The following GLIPR1L1 variants were observed in gnomAD, a reference collection of about 807,000 sequenced individuals.
GLIPR1L1 encodes the protein GLIPR1-like protein 1.
Under a neutral mutation model 29.9 loss-of-function variants are expected in GLIPR1L1, and 26 were observed. The ratio of observed to expected loss-of-function variants is 0.87; its 90% CI spans 0.64 to 1.21. The LOEUF is 1.21. Among genes scored for constraint, GLIPR1L1 ranks in the 50% most tolerant of loss-of-function variants. GLIPR1L1 has a pLI of 0.00. For missense variants in GLIPR1L1, 305 were observed against 290.3 expected, an observed-to-expected ratio of 1.05 and a Z score of -0.37; for synonymous variants, 77 against 97.5, an observed-to-expected ratio of 0.79 and a Z score of 1.24.
chr12:75,355,624 C>T (rs1241308756), intron 3 of GLIPR1L1, among the ~76,000 whole-genome samples: 1 of 152,118 alleles, frequency 6.6e-6, no homozygotes, highest in African/African-American at 2.4e-5. Context: ...AATCCCATCG[C>T]TAGGTATATA....
At chr12:75,349,187 C>T (rs1004932027) in intron 3 of GLIPR1L1, among the ~76,000 whole-genome samples, 4 of 152,178 alleles carry the variant, frequency 2.6e-5, no homozygotes, top group African/African-American at 9.7e-5. Flanking sequence ...TAAGAGGACA[C>T]AGTTCTTGGC....
At chr12:75,355,285 C>CA (rs1272884621) in intron 3 of GLIPR1L1, among the ~76,000 whole-genome samples, 8 of 151,386 alleles carry the variant, frequency 5.3e-5, no homozygotes, top group African/African-American at 1.2e-4. Flanking sequence ...ACTTACAAAA[C>CA]AAAAAATCAT....
intron 3 of GLIPR1L1, 146 bp from the exon 4 acceptor site, chr12:75,362,956 G>T (rs1593827379): frequency 4.0e-6 from 2 of 500,662 alleles, no homozygotes; most frequent in East Asian, 3.9e-5. Context: ...TTTAACAAAA[G>T]AAATGAAAAT....
At chr12:75,350,716 T>C (rs1344571362) in intron 3 of GLIPR1L1, among the ~76,000 whole-genome samples, 1 of 152,012 alleles carries the variant, frequency 6.6e-6, no homozygotes, top group Admixed American at 6.6e-5. Context: ...AGATCAAAGG[T>C]AGATAAACCC....
At chr12:75,336,121 T>C (rs574931978) in intron 1 of GLIPR1L1, among the ~76,000 whole-genome samples, 2 of 152,086 alleles carry the variant, frequency 1.3e-5, no homozygotes, top group African/African-American at 4.8e-5. Context: ...GTTCCTTATA[T>C]TGTTAAGAAT....
intron 1 of GLIPR1L1, among the ~76,000 whole-genome samples, chr12:75,336,156 G>A (rs1238092763): frequency 6.6e-6 from 1 of 151,848 alleles, no homozygotes; most frequent in African/African-American, 2.4e-5. Flanking sequence ...TGGATGGACC[G>A]TGAGAAGTTA....
chr12:75,349,717 T>C (rs2139421479), intron 3 of GLIPR1L1, among the ~76,000 whole-genome samples: 1 of 152,168 alleles, frequency 6.6e-6, no homozygotes, highest in Admixed American at 6.5e-5. Context: ...GATTAATGAA[T>C]TCAAAATCAT....
chr12:75,334,780 G>C lies in GLIPR1L1; in HGVS notation c.52G>C (p.Val18Leu). Residue 18 changes from valine to leucine, a missense_variant, in exon 1 of 6, where the codon GTA becomes CTA. Physicochemically the swap from Val to Leu is conservative, Grantham distance 32. Transcript: ENST00000378695. ...TTTATGGATCTTGGGTCTGTGTTTG[G>C]TAGCCACTACATCTTCCAAAATCCC... Reference protein sequence around the residue: ...SCLWILGLCLVATTSSKIPSI... With the variant: ...SCLWILGLCLLATTSSKIPSI... 2 of 1,613,550 alleles carry C rather than the reference G, an allele frequency of 1.2e-6. No individual in the cohort carries two copies. Among genetic ancestry groups the C allele is most frequent in the Non-Finnish European group, 1.7e-6 (2 of 1,179,938 alleles).
intron 4 of GLIPR1L1, among the ~76,000 whole-genome samples, 192 bp downstream of exon 4, chr12:75,363,382 C>A (rs2043747392): frequency 6.6e-6 from 1 of 152,092 alleles, no homozygotes; most frequent in Admixed American, 6.6e-5. Flanking sequence ...ACTGATTACT[C>A]CCCCTCTGAA....
At chr12:75,345,867 C>T (rs1461816035) in intron 2 of GLIPR1L1, among the ~76,000 whole-genome samples, 1 of 152,178 alleles carries the variant, frequency 6.6e-6, no homozygotes, top group African/African-American at 2.4e-5. Context: ...GCCCCTTCTC[C>T]CTTCGTATTA....
At position 75,347,602 on chromosome 12, in the gene GLIPR1L1, G is replaced by C; in HGVS notation, c.421-20G>C. ...AGAATTGTTTTCCATATTTTATCTT[G>C]ACATTCCTTTTCTTTATAGTTAGTT... On this transcript the variant is annotated intron_variant, in intron 2 of 5. Coordinates refer to ENST00000378695, the MANE Select transcript of GLIPR1L1 (RefSeq NM_001304964.2). 6.6e-7 allele frequency: 1 copy of C among 1,505,686 alleles called. No individual in the cohort carries two copies. Among genetic ancestry groups the C allele is most frequent in the African/African-American group, 1.4e-5 (1 of 72,602 alleles). 93.3% of individuals were successfully genotyped at this position (1,505,686 alleles called of 1,614,324 possible).
At chr12:75,366,481 A>G (rs937095842) in intron 4 of GLIPR1L1, among the ~76,000 whole-genome samples, 1 of 152,188 alleles carries the variant, frequency 6.6e-6, no homozygotes, top group Non-Finnish European at 1.5e-5. Context: ...TAAAATGTGC[A>G]AAACAGACCA....
chr12:75,352,811 T>C (rs2042901240), intron 3 of GLIPR1L1, among the ~76,000 whole-genome samples: 2 of 152,082 alleles, frequency 1.3e-5, no homozygotes, highest in African/African-American at 2.4e-5. Context: ...CAGAACAAAA[T>C]ACAATCAAAT....
At chr12:75,359,110 T>C (rs1460402975) in intron 3 of GLIPR1L1, among the ~76,000 whole-genome samples, 1 of 150,354 alleles carries the variant, frequency 6.7e-6, no homozygotes, top group Non-Finnish European at 1.5e-5. Context: ...TAGCAATCTT[T>C]TAGGATACAA....
chr12:75,351,181 G>A (rs1273371397), intron 3 of GLIPR1L1, among the ~76,000 whole-genome samples: 1 of 152,192 alleles, frequency 6.6e-6, no homozygotes, highest in African/African-American at 2.4e-5. Flanking sequence ...TGAGAACTAT[G>A]AGATTATGTA....
intron 3 of GLIPR1L1, among the ~76,000 whole-genome samples, chr12:75,361,587 T>C (rs1035837316): frequency 2.6e-5 from 4 of 152,160 alleles, no homozygotes; most frequent in African/African-American, 7.2e-5. Flanking sequence ...TGTAATTGAC[T>C]CATGGTTCCA....
rs61148076 is a variant in GLIPR1L1 at position 75,337,024 on chromosome 12, A to G, written c.174+2122A>G. ...AAATGGTCCATAAGTTAAAGAATAA[A>G]TAATAATAGAGATTACTATAATTTA... On this transcript the variant is annotated intron_variant, in intron 1 of 5. Coordinates refer to ENST00000378695, the MANE Select transcript of GLIPR1L1 (RefSeq NM_001304964.2). Among the ~76,000 whole-genome samples, 62 of 151,960 alleles carry G rather than the reference A, an allele frequency of 4.1e-4. No homozygotes were observed. The East Asian group carries it at 0.01, about 25-fold the overall frequency.
intron 1 of GLIPR1L1, among the ~76,000 whole-genome samples, chr12:75,343,128 A>G (rs769839530): frequency 1.3e-5 from 2 of 151,924 alleles, no homozygotes; most frequent in Non-Finnish European, 2.9e-5. Flanking sequence ...TGTATTTACA[A>G]CTCATGTATT....
In GLIPR1L1 at chr12:75,370,224, A is replaced by C; in HGVS notation, c.*48A>C. 1.3e-5 allele frequency: 12 copies of C among 948,788 alleles called. No individual in the cohort carries two copies. The highest frequency in any genetic ancestry group is 1.9e-5 in the Non-Finnish European group (11 of 590,862). 58.8% of individuals were successfully genotyped at this position (948,788 alleles called of 1,614,324 possible). A position where few individuals can be genotyped will look rare whatever the true frequency, so the allele number is the denominator to read the frequency against. On this transcript the variant is annotated 3_prime_UTR_variant, in exon 6 of 6. Coordinates refer to ENST00000378695, the MANE Select transcript of GLIPR1L1 (RefSeq NM_001304964.2). ...TTCTCAAATGTTAAAATAAAGGAAT[A>C]GTTTATTGCTTAATATAACTTATCA...
Sources: gnomAD v4.1 joint callset for allele counts (sites outside exome capture counted in the v4.1 genomes callset) on GRCh38, gnomAD v4.1.1 for gene constraint, MANE v1.5 for transcripts, NCBI Gene and HGNC (gene_info 2026-07-23, HGNC 2026-07-21) for gene names.